Variants in DSCAM observed in about 807,000 individuals in gnomAD.
The protein encoded by DSCAM is DS cell adhesion molecule, also known as cell adhesion molecule DSCAM.
DSCAM carries 47 observed loss-of-function variants against 217.7 expected under a neutral mutation model. The observed-to-expected ratio is 0.22, with a 90% CI of 0.17 to 0.28. The LOEUF (loss-of-function observed/expected upper bound fraction) is 0.28. Ranked by LOEUF, DSCAM falls within the 10% of genes least tolerant of loss-of-function variation. The pLI is 1.00. For synonymous variants in DSCAM, 1,056 were observed against 1,015.3 expected, an observed-to-expected ratio of 1.04 and a Z score of -0.76; for missense variants, 2,080 against 2,618.3, an observed-to-expected ratio of 0.79 and a Z score of 4.49.
intron 11 of DSCAM, among the ~76,000 whole-genome samples, chr21:40,244,409 C>T (rs980199218): frequency 9.3e-5 from 14 of 151,274 alleles, no homozygotes; most frequent in African/African-American, 2.9e-4. Context: ...CCAGATTGTG[C>T]CACTGCACTC....
chr21:40,392,108 C>T (rs572082421), intron 3 of DSCAM, among the ~76,000 whole-genome samples: 17 of 152,236 alleles, frequency 1.1e-4, no homozygotes, highest in African/African-American at 4.1e-4. Context: ...TACATATCCT[C>T]GTCTGGCATC....
intron 3 of DSCAM, among the ~76,000 whole-genome samples, chr21:40,486,121 G>A (rs75219586): frequency 0.05 from 7,594 of 152,190 alleles, 243 homozygotes; most frequent in East Asian, 0.12. Flanking sequence ...AGCCATAGAT[G>A]GCTAACAGAT....
intron 1 of DSCAM, among the ~76,000 whole-genome samples, chr21:40,765,671 T>C (rs559680296): frequency 6.6e-6 from 1 of 152,218 alleles, no homozygotes; most frequent in East Asian, 1.9e-4. Context: ...TGTGAGAAGG[T>C]GTTTCCTCCA....
intron 32 of DSCAM, among the ~76,000 whole-genome samples, chr21:40,013,679 C>T (rs1271321906): frequency 6.6e-6 from 1 of 152,166 alleles, no homozygotes; most frequent in Non-Finnish European, 1.5e-5. Context: ...AACACACCAT[C>T]GTTGAAAGAA....
At chr21:40,548,511 A>T (rs201054052) in intron 3 of DSCAM, among the ~76,000 whole-genome samples, 3,181 of 132,754 alleles carry the variant, frequency 0.024, 48 homozygotes, top group African/African-American at 0.047. Flanking sequence ...AGTAAAAAAA[A>T]AAATATATAT....
chr21:40,718,004 G>A (rs1272677756), intron 1 of DSCAM, among the ~76,000 whole-genome samples: 4 of 152,270 alleles, frequency 2.6e-5, no homozygotes, highest in African/African-American at 9.6e-5. Flanking sequence ...GAGAAAAAAG[G>A]CCTAATTATG....
chr21:40,602,053 C>CTTTTTTTTTT lies in DSCAM; in HGVS notation c.508+90747_508+90756dup, dbSNP rs761687929. ...TTAGCAAATGTTCCCTCTGCTTCTA[C>CTTTTTTTTTT]TTTTTTTTTTTTTTTTTTTTTTTTT... On this transcript the variant is annotated intron_variant, in intron 3 of 32. Transcript: ENST00000400454. Among the ~76,000 whole-genome samples the CTTTTTTTTTT allele has an allele frequency of 1.5e-4, 13 of 89,518 alleles. 1 individual carries two copies. Among genetic ancestry groups the CTTTTTTTTTT allele is most frequent in the East Asian group, 7.1e-4 (2 of 2,826 alleles). 58.7% of individuals were successfully genotyped at this position (89,518 alleles called of 152,430 possible).
chr21:40,226,927 T>C (rs1356936862), intron 11 of DSCAM, among the ~76,000 whole-genome samples: 1 of 152,066 alleles, frequency 6.6e-6, no homozygotes, highest in African/African-American at 2.4e-5. Context: ...AAGGCTCCAG[T>C]GTGTCTTGTT....
chr21:40,833,142 C>G (rs1396499356), intron 1 of DSCAM, among the ~76,000 whole-genome samples: 1 of 152,088 alleles, frequency 6.6e-6, no homozygotes, highest in Non-Finnish European at 1.5e-5. Context: ...CGAAAAGTCT[C>G]TCAGAGAAAA....
chr21:40,183,297 T>C (rs1189211768), intron 14 of DSCAM, among the ~76,000 whole-genome samples: 2 of 152,172 alleles, frequency 1.3e-5, no homozygotes, highest in Non-Finnish European at 2.9e-5. Context: ...CCTTGGGTCC[T>C]TGTAGGGGAG....
intron 3 of DSCAM, among the ~76,000 whole-genome samples, chr21:40,546,411 T>C (rs2076583057): frequency 6.6e-6 from 1 of 152,232 alleles, no homozygotes; most frequent in Non-Finnish European, 1.5e-5. Context: ...TCATGGGCTT[T>C]GGGTCTGACA....
intron 1 of DSCAM, among the ~76,000 whole-genome samples, chr21:40,841,498 C>A (rs2123684560): frequency 6.6e-6 from 1 of 152,226 alleles, no homozygotes; most frequent in Admixed American, 6.5e-5. Context: ...TTTTTGTGCC[C>A]AGGTCTTTGG....
At chr21:40,403,571 C>T (rs143909556) in intron 3 of DSCAM, among the ~76,000 whole-genome samples, 208 of 151,986 alleles carry the variant, frequency 1.4e-3, no homozygotes, top group African/African-American at 4.7e-3. Context: ...GGTGGTTTGG[C>T]AGGCTAATCA....
intron 3 of DSCAM, among the ~76,000 whole-genome samples, chr21:40,671,831 C>CA (rs2090279605): frequency 6.6e-6 from 1 of 152,024 alleles, no homozygotes; most frequent in Admixed American, 6.6e-5. Flanking sequence ...TATAAGACAG[C>CA]AGTTCTCCAA....
intron 3 of DSCAM, among the ~76,000 whole-genome samples, chr21:40,419,482 G>A (rs2123814943): frequency 6.6e-6 from 1 of 152,158 alleles, no homozygotes; most frequent in Non-Finnish European, 1.5e-5. Flanking sequence ...AAAACACTGG[G>A]TTTCATCATC....
chr21:40,712,809 C>CAGAG (rs142528775), intron 1 of DSCAM, among the ~76,000 whole-genome samples: 17,851 of 148,968 alleles, frequency 0.12, 1,089 homozygotes, highest in East Asian at 0.21. Flanking sequence ...GAAGTTGAGA[C>CAGAG]AGAGAGAGAG....
intron 3 of DSCAM, among the ~76,000 whole-genome samples, chr21:40,521,328 G>A (rs58812862): frequency 1.3e-5 from 2 of 151,974 alleles, no homozygotes; most frequent in Non-Finnish European, 2.9e-5. Context: ...TTGAGAAACC[G>A]CTATACTTTT....
intron 1 of DSCAM, among the ~76,000 whole-genome samples, chr21:40,833,018 C>T (rs1477273630): frequency 1.3e-5 from 2 of 152,152 alleles, no homozygotes; most frequent in African/African-American, 4.8e-5. Flanking sequence ...TGATGTCGTG[C>T]CTTTTTAAGG....
intron 3 of DSCAM, among the ~76,000 whole-genome samples, chr21:40,446,724 C>T (rs1461247298): frequency 2.0e-5 from 3 of 152,186 alleles, no homozygotes; most frequent in Non-Finnish European, 4.4e-5. Flanking sequence ...GGAAATAATT[C>T]TACTGACTAC....
Sources: gnomAD v4.1 joint callset for allele counts (sites outside exome capture counted in the v4.1 genomes callset) on GRCh38, gnomAD v4.1.1 for gene constraint, MANE v1.5 for transcripts, NCBI Gene and HGNC (gene_info 2026-07-23, HGNC 2026-07-21) for gene names.